The following EXOC4 variants were observed in gnomAD, a reference collection of about 807,000 sequenced individuals.
The protein encoded by EXOC4 is exocyst complex component 4, also known as SEC8-like 1.
In EXOC4, 71 loss-of-function variants were observed where a neutral mutation model predicts 107.2. The ratio of observed to expected loss-of-function variants is 0.66; its 90% confidence interval spans 0.55 to 0.81. EXOC4 has a LOEUF of 0.81. EXOC4 is among the 30% of genes least tolerant of loss of function. The pLI is 0.00. For missense variants in EXOC4, 1,108 were observed against 1,189.6 expected (o/e 0.93, Z 1.01); for synonymous variants, 456 against 441.2 (o/e 1.03, Z -0.42).
chr7:133,497,551 C>A (rs970166228), intron 9 of EXOC4, among the ~76,000 whole-genome samples: 3 of 152,020 alleles, frequency 2.0e-5, no homozygotes, highest in African/African-American at 4.8e-5. Context: ...CTGCCTCAGC[C>A]TCCTGAGTAG....
rs898879448 is a variant in EXOC4 at position 133,583,057 on chromosome 7, A to G, written c.1418-46988A>G. On this transcript the variant is annotated intron_variant, in intron 9 of 17. Transcript: ENST00000253861. ...AAGTATACTATTTAGTGGTTTTAGT[A>G]TATTCACTGAGTTGTACAGCCACTG... Among the ~76,000 whole-genome samples the G allele has an allele frequency of 2.6e-5, 4 of 152,216 alleles. 1 individual carries two copies. The highest frequency in any genetic ancestry group is 7.2e-5 in the African/African-American group (3 of 41,462).
intron 9 of EXOC4, among the ~76,000 whole-genome samples, chr7:133,529,555 G>A (rs1419723719): frequency 1.3e-5 from 2 of 152,118 alleles, no homozygotes; most frequent in Non-Finnish European, 2.9e-5. Flanking sequence ...TGTAGATGGG[G>A]CCCTAAGCAT....
chr7:133,582,697 C>T (rs1433823726), intron 9 of EXOC4, among the ~76,000 whole-genome samples: 2 of 151,630 alleles, frequency 1.3e-5, no homozygotes, highest in African/African-American at 4.8e-5. Flanking sequence ...GAATAATGAT[C>T]ATGGGGCTAA....
intron 14 of EXOC4, among the ~76,000 whole-genome samples, chr7:133,961,169 T>C (rs1393678252): frequency 6.6e-6 from 1 of 151,866 alleles, no homozygotes; most frequent in African/African-American, 2.4e-5. Flanking sequence ...CATTGCTGGC[T>C]TTGAAGATGA....
intron 10 of EXOC4, among the ~76,000 whole-genome samples, chr7:133,663,617 A>G (rs1793747651): frequency 6.6e-6 from 1 of 152,136 alleles, no homozygotes; most frequent in South Asian, 2.1e-4. Context: ...TGCCCAGACC[A>G]GAATCCCAGG....
chr7:133,342,911 G>T (rs1295250803), intron 5 of EXOC4, among the ~76,000 whole-genome samples: 1 of 152,098 alleles, frequency 6.6e-6, no homozygotes. Context: ...TTTCTCTCAA[G>T]ATTTTTCCAT....
intron 2 of EXOC4, among the ~76,000 whole-genome samples, chr7:133,278,089 T>C (rs2150528730): frequency 6.6e-6 from 1 of 152,304 alleles, no homozygotes; most frequent in South Asian, 2.1e-4. Flanking sequence ...GTGCCCGCTA[T>C]GTTGCTGATT....
rs1210481545 is a variant in EXOC4 at position 133,298,654 on chromosome 7, T to C, written c.472-7223T>C. On this transcript the variant is annotated intron_variant, in intron 3 of 17. Transcript: ENST00000253861. ...CTTTCTCTTACCGTGTTACGTATAG[T>C]TTAATTTCTTCAGGAAGGTAATTGT... is the stretch of plus-strand genomic sequence containing the variant. 2.0e-5 allele frequency among the ~76,000 whole-genome samples: 3 copies of C among 152,196 alleles called. No individual in the cohort carries two copies. In the East Asian group the frequency reaches 5.8e-4, roughly 29 times the overall value.
At chr7:133,715,746 T>C (rs535701682) in intron 10 of EXOC4, among the ~76,000 whole-genome samples, 39 of 152,258 alleles carry the variant, frequency 2.6e-4, no homozygotes, top group Non-Finnish European at 4.6e-4. Context: ...CTTTTCACTG[T>C]TAGAGGCTTT....
chr7:134,008,801 A>G (rs909009399), intron 17 of EXOC4, among the ~76,000 whole-genome samples: 2 of 66,574 alleles, frequency 3.0e-5, no homozygotes, highest in Admixed American at 1.6e-4. Context: ...GCTAATTTTT[A>G]TATTTTTTTT....
chr7:133,663,366 A>G (rs1793740493), intron 10 of EXOC4, among the ~76,000 whole-genome samples: 2 of 152,026 alleles, frequency 1.3e-5, no homozygotes, highest in Admixed American at 6.6e-5. Context: ...AATCTGATCC[A>G]TTCCTAAGGC....
chr7:133,777,138 G>A (rs567364387), intron 10 of EXOC4, among the ~76,000 whole-genome samples: 2 of 152,080 alleles, frequency 1.3e-5, no homozygotes, highest in East Asian at 1.9e-4. Context: ...ATTTAAAATG[G>A]TGAGTTTTAC....
At chr7:133,600,389 A>G (rs1469373958) in intron 9 of EXOC4, among the ~76,000 whole-genome samples, 1 of 152,212 alleles carries the variant, frequency 6.6e-6, no homozygotes, top group Non-Finnish European at 1.5e-5. Flanking sequence ...ATAATTGCAA[A>G]GGCAATTTGG....
chr7:133,455,772 CT>C (rs1054683146), intron 7 of EXOC4, among the ~76,000 whole-genome samples: 1 of 152,144 alleles, frequency 6.6e-6, no homozygotes, highest in African/African-American at 2.4e-5. Context: ...TTTTAAGTTA[CT>C]GCTATTTTGA....
In EXOC4 at chr7:133,295,392, G is replaced by A. The variant is rs141939791; in HGVS notation, c.471+6276G>A. On this transcript the variant is annotated intron_variant, in intron 3 of 17. Coordinates refer to ENST00000253861, the MANE Select transcript of EXOC4 (RefSeq NM_021807.4). The stretch of plus-strand genomic sequence containing the variant: ...ATTATGTGTTATCAATTACTTACTC[G>A]GCTTACATTAAAAATATGTTCATAG... Among the ~76,000 whole-genome samples, 1,088 of 152,070 alleles carry A rather than the reference G, an allele frequency of 7.2e-3. 15 individuals are homozygous for A. The highest frequency in any genetic ancestry group is 0.025 in the African/African-American group (1,031 of 41,530).
intron 9 of EXOC4, among the ~76,000 whole-genome samples, chr7:133,593,270 T>A (rs1383336575): frequency 6.6e-6 from 1 of 152,204 alleles, no homozygotes; most frequent in Non-Finnish European, 1.5e-5. Context: ...AGAGGTTTGT[T>A]AAGGCAAGAT....
chr7:133,813,620 A>G (rs561532380), intron 10 of EXOC4, among the ~76,000 whole-genome samples: 20 of 152,228 alleles, frequency 1.3e-4, no homozygotes, highest in African/African-American at 4.3e-4. Context: ...AATTGTGGCC[A>G]TGCTTAACCA....
In EXOC4 at chr7:133,873,086, G is replaced by T. The variant is rs188755135; in HGVS notation, c.1735-22513G>T. Reference sequence around the variant, plus strand: ...GCATTTTGGAGGGCCCAGGTATGAGGATTATTTGAGGCAGGAGTTTGAGAT... The same window carrying T: ...GCATTTTGGAGGGCCCAGGTATGAGTATTATTTGAGGCAGGAGTTTGAGAT... On this transcript the variant is annotated intron_variant, in intron 11 of 17. Transcript: ENST00000253861. Among the ~76,000 whole-genome samples the T allele has an allele frequency of 8.1e-4, 123 of 152,312 alleles. 2 individuals carry two copies. Among genetic ancestry groups the T allele is most frequent in the Non-Finnish European group, 5.4e-4 (37 of 68,026 alleles).
intron 4 of EXOC4, chr7:133,315,194 A>G (rs1481502805): frequency 6.6e-6 from 1 of 152,514 alleles, no homozygotes; most frequent in Non-Finnish European, 1.5e-5. Context: ...CTTGCTCACA[A>G]CAACTTGTTC....
Sources: gnomAD v4.1 joint callset for allele counts (sites outside exome capture counted in the v4.1 genomes callset) on GRCh38, gnomAD v4.1.1 for gene constraint, MANE v1.5 for transcripts, NCBI Gene and HGNC (gene_info 2026-07-23, HGNC 2026-07-21) for gene names.